CAB39: variants seen among roughly 807,000 people sequenced by gnomAD.
CAB39 encodes the protein calcium binding protein 39.
In CAB39, 8 loss-of-function variants were observed where a neutral mutation model predicts 40.0. That is an observed-to-expected ratio of 0.20 (90% CI 0.12 to 0.36). CAB39 has a LOEUF of 0.36. Among genes scored for constraint, CAB39 ranks in the 10% least tolerant of loss-of-function variants. The pLI, the probability that CAB39 is intolerant of heterozygous loss-of-function variation, is 1.00. For missense variants in CAB39, 270 were observed against 401.1 expected, an observed-to-expected ratio of 0.67 and a Z score of 2.79; for synonymous variants, 156 against 141.6, an observed-to-expected ratio of 1.10 and a Z score of -0.72.
intron 1 of CAB39, among the ~76,000 whole-genome samples, chr2:230,731,421 G>A (rs903038996): frequency 6.6e-6 from 1 of 152,124 alleles, no homozygotes; most frequent in Non-Finnish European, 1.5e-5. Flanking sequence ...GTGATCTTCG[G>A]TGTCTTAAAA....
chr2:230,731,337 G>T (rs184361774), intron 1 of CAB39, among the ~76,000 whole-genome samples: 2 of 152,114 alleles, frequency 1.3e-5, no homozygotes, highest in Admixed American at 1.3e-4. Flanking sequence ...GTTTGGTCCC[G>T]TATATAGCCA....
intron 2 of CAB39, among the ~76,000 whole-genome samples, chr2:230,786,543 CCTT>C (rs1468425800): frequency 6.6e-6 from 1 of 152,156 alleles, no homozygotes; most frequent in Non-Finnish European, 1.5e-5. Flanking sequence ...TATTCACCTC[CCTT>C]CTTTCTTACT....
At chr2:230,784,107 GA>G (rs1452789741) in intron 2 of CAB39, among the ~76,000 whole-genome samples, 1 of 152,196 alleles carries the variant, frequency 6.6e-6, no homozygotes, top group Non-Finnish European at 1.5e-5. Flanking sequence ...TTTGGGTGGT[GA>G]TGGTAGACGG....
In CAB39 at chr2:230,726,250, C is replaced by T. The variant is rs1044505244; in HGVS notation, c.-44+13020C>T. ...TGATCTCGGCTCACTGCAACCTCTG[C>T]CTCCTGGATTCAAGCAATTCTCGTG... is the stretch of plus-strand genomic sequence containing the variant. On this transcript the variant is annotated intron_variant, in intron 1 of 8. Transcript: ENST00000258418. Among the ~76,000 whole-genome samples the T allele has an allele frequency of 9.2e-5, 14 of 152,120 alleles. No homozygotes were observed. In the East Asian group the frequency reaches 2.7e-3, roughly 29 times the overall value.
At chr2:230,755,279 T>G (rs1051376974) in intron 1 of CAB39, among the ~76,000 whole-genome samples, 5 of 152,234 alleles carry the variant, frequency 3.3e-5, no homozygotes, top group African/African-American at 1.2e-4. Flanking sequence ...GTTCTCTGAT[T>G]ACCGCATCCA....
At chr2:230,765,428 C>T (rs758708738) in intron 2 of CAB39, among the ~76,000 whole-genome samples, 3 of 152,126 alleles carry the variant, frequency 2.0e-5, no homozygotes, top group East Asian at 1.9e-4. Flanking sequence ...ACCTTACAGA[C>T]GCTTTGAAAG....
In CAB39 at chr2:230,734,943, T is replaced by TTG. The variant is rs375539116; in HGVS notation, c.-44+21717_-44+21718dup. Among the ~76,000 whole-genome samples, 56 of 152,082 alleles carry TTG rather than the reference T, an allele frequency of 3.7e-4. 1 individual carries two copies. The highest frequency in any genetic ancestry group is 1.3e-3 in the African/African-American group (55 of 41,478). ...CCAATATTTGGTGGCGGTGGTGGGG[T>TTG]TGTGTTTTCTGTTGAATCATAGGAA... On this transcript the variant is annotated intron_variant, in intron 1 of 8. Transcript: ENST00000258418.
intron 1 of CAB39, among the ~76,000 whole-genome samples, chr2:230,750,917 C>A (rs1314784713): frequency 6.6e-6 from 1 of 152,192 alleles, no homozygotes; most frequent in Non-Finnish European, 1.5e-5. Context: ...AGGATTTGAA[C>A]CCAGGCTATC....
chr2:230,807,918 C>T (rs1696230788), intron 5 of CAB39, among the ~76,000 whole-genome samples: 1 of 152,102 alleles, frequency 6.6e-6, no homozygotes, highest in East Asian at 1.9e-4. Context: ...TCACACTGGC[C>T]TCCAGAACGA....
At chr2:230,759,453 G>A (rs1448630400) in intron 1 of CAB39, among the ~76,000 whole-genome samples, 1 of 152,224 alleles carries the variant, frequency 6.6e-6, no homozygotes, top group African/African-American at 2.4e-5. Context: ...TCAATTTGAT[G>A]TACAGTGTGG....
At chr2:230,766,444 T>C (rs1695386734) in intron 2 of CAB39, among the ~76,000 whole-genome samples, 1 of 152,100 alleles carries the variant, frequency 6.6e-6, no homozygotes, top group African/African-American at 2.4e-5. Flanking sequence ...CAGTGAGAAC[T>C]CTGTCATTAC....
At chr2:230,763,025 C>G (rs1378881612) in intron 2 of CAB39, among the ~76,000 whole-genome samples, 2 of 152,100 alleles carry the variant, frequency 1.3e-5, no homozygotes, top group East Asian at 3.8e-4. Context: ...GGTGTGTTAT[C>G]TATTGATGCT....
chr2:230,715,964 A>G (rs1317146947), intron 1 of CAB39, among the ~76,000 whole-genome samples: 1 of 152,192 alleles, frequency 6.6e-6, no homozygotes, highest in African/African-American at 2.4e-5. Context: ...CCCAAAGTGC[A>G]GGGATTACAG....
intron 4 of CAB39, among the ~76,000 whole-genome samples, chr2:230,796,404 G>A (rs191702613): frequency 1.3e-5 from 2 of 152,148 alleles, no homozygotes; most frequent in African/African-American, 4.8e-5. Flanking sequence ...GTGCTCACAG[G>A]TTATACAGCA....
At chr2:230,724,546 T>G (rs1694520766) in intron 1 of CAB39, among the ~76,000 whole-genome samples, 1 of 151,800 alleles carries the variant, frequency 6.6e-6, no homozygotes, top group East Asian at 2.0e-4. Context: ...CCGGGCATGG[T>G]GGCACATGCC....
chr2:230,801,202 GA>G (rs1216625087), intron 5 of CAB39, among the ~76,000 whole-genome samples: 1 of 152,172 alleles, frequency 6.6e-6, no homozygotes, highest in Non-Finnish European at 1.5e-5. Flanking sequence ...GACAACATGT[GA>G]AAGAGAGGAC....
At chr2:230,783,160 C>T (rs1476473843) in intron 2 of CAB39, among the ~76,000 whole-genome samples, 1 of 152,102 alleles carries the variant, frequency 6.6e-6, no homozygotes, top group Non-Finnish European at 1.5e-5. Flanking sequence ...GCACCAGATG[C>T]AGTAGTTGGC....
chr2:230,806,797 C>T (rs1696203322), intron 5 of CAB39, among the ~76,000 whole-genome samples: 1 of 152,186 alleles, frequency 6.6e-6, no homozygotes, highest in Non-Finnish European at 1.5e-5. Flanking sequence ...AATTGAGTTT[C>T]TTGTCCTTAG....
chr2:230,716,872 T>C (rs948447435), intron 1 of CAB39, among the ~76,000 whole-genome samples: 1 of 152,202 alleles, frequency 6.6e-6, no homozygotes, highest in African/African-American at 2.4e-5. Flanking sequence ...TGGTGGTGTG[T>C]GTGCCTGTTG....
Sources: allele counts gnomAD v4.1 joint callset (sites outside exome capture counted in the v4.1 genomes callset), GRCh38; gene constraint gnomAD v4.1.1; transcripts MANE v1.5; gene names NCBI Gene and HGNC (gene_info 2026-07-23, HGNC 2026-07-21).